HDAC4: variants seen among roughly 807,000 people sequenced by gnomAD.
HDAC4 encodes the protein histone deacetylase A.
A neutral mutation model predicts 135.1 loss-of-function variants in HDAC4; 16 were observed. The observed-to-expected ratio is 0.12, with a 90% CI of 0.08 to 0.18. HDAC4 has a LOEUF of 0.18. Among genes scored for constraint, HDAC4 ranks in the 10% least tolerant of loss-of-function variants. The pLI, the probability that HDAC4 is intolerant of heterozygous loss-of-function variation, is 1.00. For missense variants in HDAC4, 1,143 were observed against 1,511.8 expected, an observed-to-expected ratio of 0.76 and a Z score of 4.05; for synonymous variants, 685 against 653.4, an observed-to-expected ratio of 1.05 and a Z score of -0.74.
intron 22 of HDAC4, among the ~76,000 whole-genome samples, chr2:239,080,605 G>A (rs578249524): frequency 3.3e-5 from 5 of 152,230 alleles, no homozygotes; most frequent in East Asian, 1.9e-4. Flanking sequence ...CGCGCCCTGC[G>A]GCTAAATGCT....
In HDAC4 at chr2:239,115,434, C is replaced by T; in HGVS notation, c.1534-124G>A. ...CAATCAGGGACTCAGGGCACCTTATCACCCTGCCACAGGCCAGCAGGCACC... is the reference window on the plus strand; with the variant it reads ...CAATCAGGGACTCAGGGCACCTTATTACCCTGCCACAGGCCAGCAGGCACC... On this transcript the variant is annotated intron_variant, in intron 12 of 26. Coordinates refer to ENST00000543185, the MANE Select transcript of HDAC4 (RefSeq NM_001378414.1). The surrounding 1 kb of genome is among the most constrained non-coding windows in gnomAD (Gnocchi z 6.3). 8.3e-7 allele frequency: 1 copy of T among 1,199,522 alleles called. No individual in the cohort carries two copies. The allele number at this position is 1,199,522 out of a possible 1,614,324, so 74.3% of individuals were successfully genotyped here. A position where few individuals can be genotyped will look rare whatever the true frequency, so the allele number is the denominator to read the frequency against.
At chr2:239,241,922 C>G (rs1023106363) in intron 2 of HDAC4, among the ~76,000 whole-genome samples, 1 of 152,134 alleles carries the variant, frequency 6.6e-6, no homozygotes, top group African/African-American at 2.4e-5. Flanking sequence ...ACCACCATAA[C>G]TGTACAATAA....
In HDAC4 at chr2:239,308,168, TG is replaced by T. The variant is rs1353374296; in HGVS notation, c.22+44509del. On this transcript the variant is annotated intron_variant, in intron 2 of 26. Transcript: ENST00000543185. This position sits in a 1 kb window ranked among gnomAD's most constrained non-coding sequence, Gnocchi z 4.2. ...GGCCCCAGCTTCCTCATCTGTGAGA[TG>T]GGGGTGGTCAGCGTGCAGGAAGCCC... is the stretch of plus-strand genomic sequence containing the variant. Among the ~76,000 whole-genome samples the T allele has an allele frequency of 2.0e-5, 3 of 152,086 alleles. No homozygotes were observed. Among genetic ancestry groups the T allele is most frequent in the African/African-American group, 7.2e-5 (3 of 41,420 alleles).
chr2:239,344,442 A>T (rs1692488221), intron 2 of HDAC4, among the ~76,000 whole-genome samples: 2 of 152,158 alleles, frequency 1.3e-5, no homozygotes. Context: ...GCCAAAACAA[A>T]CCATCAATGC....
At chr2:239,107,636 G>A (rs2038273084) in intron 15 of HDAC4, among the ~76,000 whole-genome samples, 1 of 152,210 alleles carries the variant, frequency 6.6e-6, no homozygotes, top group Non-Finnish European at 1.5e-5. Context: ...AAGCCAACAG[G>A]CCTGATCTGA....
At chr2:239,260,996 C>T (rs189632640) in intron 2 of HDAC4, among the ~76,000 whole-genome samples, 2,222 of 152,160 alleles carry the variant, frequency 0.015, 63 homozygotes, top group African/African-American at 0.05. Flanking sequence ...GCGGCTGGAG[C>T]GGCAGTCTCC....
intron 1 of HDAC4, among the ~76,000 whole-genome samples, chr2:239,378,808 T>G (rs1467438550): frequency 2.0e-5 from 3 of 152,214 alleles, no homozygotes; most frequent in Admixed American, 1.3e-4. Context: ...ATGCATCTCC[T>G]ACTCTCCTTC....
chr2:239,279,485 C>G (rs777550356), intron 2 of HDAC4, among the ~76,000 whole-genome samples: 13 of 152,214 alleles, frequency 8.5e-5, no homozygotes, highest in Non-Finnish European at 1.6e-4. Flanking sequence ...GGGGTTCAGG[C>G]CCGTCTCTCT....
At chr2:239,388,404 A>C (rs1695970997) in intron 1 of HDAC4, among the ~76,000 whole-genome samples, 1 of 152,214 alleles carries the variant, frequency 6.6e-6, no homozygotes, top group Non-Finnish European at 1.5e-5. Flanking sequence ...TGCGGCTTCC[A>C]GGACTATCTG....
At chr2:239,253,125 G>A (rs187057286) in intron 2 of HDAC4, among the ~76,000 whole-genome samples, 1 of 152,310 alleles carries the variant, frequency 6.6e-6, no homozygotes, top group Non-Finnish European at 1.5e-5. Flanking sequence ...TTAGAGTCTC[G>A]GGAACAAATC....
In HDAC4 at chr2:239,173,990, CA is replaced by C. The variant is rs1446116701; in HGVS notation, c.490+2422del. Among the ~76,000 whole-genome samples the C allele has an allele frequency of 2.6e-5, 4 of 152,108 alleles. No homozygotes were observed. In the East Asian group the frequency reaches 7.7e-4, roughly 29 times the overall value. The stretch of plus-strand genomic sequence containing the variant: ...AGAAAAATTAAAGAAGGTAAATAAT[CA>C]ATGTTGTAAAAATATCAGGTCTTCC... On this transcript the variant is annotated intron_variant, in intron 5 of 26. Coordinates refer to ENST00000543185, the MANE Select transcript of HDAC4 (RefSeq NM_001378414.1).
intron 24 of HDAC4, among the ~76,000 whole-genome samples, chr2:239,063,250 G>C (rs2033028727): frequency 6.6e-6 from 1 of 151,972 alleles, no homozygotes; most frequent in South Asian, 2.1e-4. Flanking sequence ...GCCCAGGCTG[G>C]AGTGTGGTGG....
At position 239,115,992 on chromosome 2, in the gene HDAC4, G is replaced by A. The variant is rs1051397863; in HGVS notation, c.1534-682C>T. Among the ~76,000 whole-genome samples, 3 of 152,076 alleles carry A rather than the reference G, an allele frequency of 2.0e-5. No homozygotes were observed. Among genetic ancestry groups the A allele is most frequent in the African/African-American group, 4.8e-5 (2 of 41,402 alleles). ...GCCCCGCTATGGGGCCCCAAGAACC[G>A]CAACATCCTCCCTCCTGTGGGACTC... On this transcript the variant is annotated intron_variant, in intron 12 of 26. Coordinates refer to ENST00000543185, the MANE Select transcript of HDAC4 (RefSeq NM_001378414.1). This position sits in a 1 kb window ranked among gnomAD's most constrained non-coding sequence, Gnocchi z 6.3.
chr2:239,346,130 A>C (rs1203781414), intron 2 of HDAC4, among the ~76,000 whole-genome samples: 3 of 149,398 alleles, frequency 2.0e-5, no homozygotes, highest in Admixed American at 1.3e-4. Flanking sequence ...AAACACACAC[A>C]CCCCCATCTC....
rs377334943 is a variant in HDAC4, at chr2:239,082,171, G to C, written c.2583C>G (p.Ser861Arg). ...GTQQAFYSDP[S>R]VLYMSLHRYD... is the part of the protein sequence containing the mutation. ...AGCGGTGGAGGGACATGTACAGGAC[G>C]CTGGGGTCGCTGTAGAAAGCCTGCT... Residue 861 changes from serine to arginine, a missense_variant, in exon 21 of 27, where the codon AGC becomes AGG. Coordinates refer to ENST00000543185, the MANE Select transcript of HDAC4 (RefSeq NM_001378414.1). 6.2e-7 allele frequency: 1 copy of C among 1,613,992 alleles called. No homozygotes were observed. Among genetic ancestry groups the C allele is most frequent in the African/African-American group, 1.3e-5 (1 of 74,920 alleles).
intron 2 of HDAC4, among the ~76,000 whole-genome samples, chr2:239,336,425 TAATAAC>T (rs1231435445): frequency 1.3e-5 from 2 of 152,108 alleles, no homozygotes; most frequent in Non-Finnish European, 2.9e-5. Context: ...TACATGTTTA[TAATAAC>T]AACAATGGAA....
chr2:239,256,444 C>A (rs1239517196), intron 2 of HDAC4, among the ~76,000 whole-genome samples: 1 of 152,230 alleles, frequency 6.6e-6, no homozygotes, highest in East Asian at 1.9e-4. Context: ...CTGGTCGGGG[C>A]CAGGCTGCCA....
At chr2:239,157,825 C>A (rs2042522946) in intron 6 of HDAC4, among the ~76,000 whole-genome samples, 1 of 152,176 alleles carries the variant, frequency 6.6e-6, no homozygotes. Context: ...CACACCAGTG[C>A]AAAGAATGTG....
intron 3 of HDAC4, among the ~76,000 whole-genome samples, chr2:239,210,339 T>A (rs13432634): frequency 0.23 from 34,388 of 151,784 alleles, 4,917 homozygotes; most frequent in African/African-American, 0.4. Flanking sequence ...AAAACAAAAA[T>A]AAACAAGCTG....
Sources: gnomAD v4.1 joint callset for allele counts (sites outside exome capture counted in the v4.1 genomes callset) on GRCh38, gnomAD v4.1.1 for gene constraint, Gnocchi (gnomAD v3.1) non-coding constraint, MANE v1.5 for transcripts, NCBI Gene and HGNC (gene_info 2026-07-23, HGNC 2026-07-21) for gene names.